SYNRG: variants seen among roughly 807,000 people sequenced by gnomAD.
SYNRG encodes the protein synergin gamma, also known as AP1 gamma subunit binding protein 1.
SYNRG carries 37 observed loss-of-function variants against 130.9 expected under a neutral mutation model. The observed-to-expected ratio is 0.28, with a 90% CI of 0.22 to 0.37. The LOEUF (loss-of-function observed/expected upper bound fraction) is 0.37, where lower values mean the gene tolerates loss of function less well. SYNRG is among the 10% of genes least tolerant of loss of function. The pLI is 1.00. For synonymous variants in SYNRG, 539 were observed against 568.1 expected (o/e 0.95, Z 0.73); for missense variants, 1,338 against 1,588.9 (o/e 0.84, Z 2.68).
intron 3 of SYNRG, 149 bp downstream of exon 3, chr17:37,596,074 G>A (rs960883315): frequency 3.4e-5 from 30 of 892,858 alleles, no homozygotes; most frequent in Non-Finnish European, 4.5e-5. Context: ...ACTCTTGGAG[G>A]GTGAACACAT....
chr17:37,609,327 C>G lies in SYNRG; in HGVS notation c.29G>C (p.Gly10Ala). Residue 10 changes from glycine to alanine, a missense_variant, in exon 1 of 22, where the codon GGT becomes GCT. Physicochemically the swap from Gly to Ala is moderately conservative, Grantham distance 60 (BLOSUM62 0). Transcript: ENST00000612223. MALRPGAGS[G>A]GGGAAGAGAG... is the part of the protein sequence containing the mutation. ...GCCAGCTCCCGCGGCCCCGCCGCCA[C>G]CAGAACCAGCTCCTGGCCGCAGCGC... 6.8e-7 allele frequency: 1 copy of G among 1,469,914 alleles called. No homozygotes were observed. The highest frequency in any genetic ancestry group is 1.5e-5 in the African/African-American group (1 of 68,400). The allele number at this position is 1,469,914 out of a possible 1,614,324, so 91.1% of individuals were successfully genotyped here.
At chr17:37,567,647 GA>G (rs1237710607) in intron 11 of SYNRG, 1 of 152,100 alleles carries the variant, frequency 6.6e-6, no homozygotes, top group African/African-American at 2.4e-5. Flanking sequence ...AAAATCAGGA[GA>G]ATAATCTCTT....
At chr17:37,566,357 AC>A in intron 11 of SYNRG, among the ~76,000 whole-genome samples, 1 of 146,666 alleles carries the variant, frequency 6.8e-6, no homozygotes, top group African/African-American at 2.5e-5. Context: ...GCTCTCTGAA[AC>A]ATGTGCTGTG....
At chr17:37,551,289 A>C (rs2058689522) in intron 14 of SYNRG, among the ~76,000 whole-genome samples, 1 of 152,210 alleles carries the variant, frequency 6.6e-6, no homozygotes, top group African/African-American at 2.4e-5. Context: ...GCAATTTTGC[A>C]CAACAGCAAT....
intron 19 of SYNRG, among the ~76,000 whole-genome samples, chr17:37,528,690 C>T (rs2056254596): frequency 6.6e-6 from 1 of 152,206 alleles, no homozygotes; most frequent in African/African-American, 2.4e-5. Flanking sequence ...ATTTGAACTA[C>T]ATAGATGTTG....
intron 1 of SYNRG, chr17:37,605,944 C>T (rs1239333219): frequency 1.0e-6 from 1 of 985,392 alleles, no homozygotes; most frequent in Non-Finnish European, 1.2e-6. Flanking sequence ...CACCTCCAGA[C>T]TCTGGTTTCT....
At chr17:37,536,323 C>A in intron 18 of SYNRG, 196 bp from the exon 19 acceptor site, 1 of 663,414 alleles carries the variant, frequency 1.5e-6, no homozygotes, top group South Asian at 2.5e-5. Context: ...AGAAGCTGCA[C>A]TGCTTGGGTT....
At chr17:37,608,951 G>A (rs1052253812) in intron 1 of SYNRG, among the ~76,000 whole-genome samples, 1 of 152,050 alleles carries the variant, frequency 6.6e-6, no homozygotes, top group Non-Finnish European at 1.5e-5. Context: ...AGGCAGCTAG[G>A]ACTAGGAGCG....
Position 37,520,176 on chromosome 17 carries a change from T to C in SYNRG, c.3813+3A>G. ...GCTAAGATAAGGTGTAACTGGTTCATACTTTTTTAGGATGTTCTTCTGCAG... is the reference window on the plus strand; with the variant it reads ...GCTAAGATAAGGTGTAACTGGTTCACACTTTTTTAGGATGTTCTTCTGCAG... On this transcript the variant is annotated splice_donor_region_variant and intron_variant, in intron 21 of 21. Transcript: ENST00000612223. 2.5e-6 allele frequency: 4 copies of C among 1,614,204 alleles called. No homozygotes were observed. The South Asian group carries it at 3.3e-5, about 13-fold the overall frequency.
chr17:37,567,990 G>C (rs546847391), intron 11 of SYNRG: 1 of 152,172 alleles, frequency 6.6e-6, no homozygotes, highest in Non-Finnish European at 1.5e-5. Context: ...ACTCACTTGA[G>C]GTCAGGAGTT....
At chr17:37,565,377 G>A (rs1055183187) in intron 11 of SYNRG, among the ~76,000 whole-genome samples, 1 of 152,210 alleles carries the variant, frequency 6.6e-6, no homozygotes, top group Non-Finnish European at 1.5e-5. Context: ...GTGCAGTGGC[G>A]TGATCTCGGC....
At chr17:37,590,830 G>A (rs1008134712) in intron 3 of SYNRG, among the ~76,000 whole-genome samples, 15 of 152,078 alleles carry the variant, frequency 9.9e-5, no homozygotes, top group Non-Finnish European at 1.8e-4. Flanking sequence ...TGAGGCAGGA[G>A]AATTGCTTGA....
At chr17:37,524,757 G>C (rs1409956234) in intron 19 of SYNRG, among the ~76,000 whole-genome samples, 1 of 152,176 alleles carries the variant, frequency 6.6e-6, no homozygotes, top group Non-Finnish European at 1.5e-5. Context: ...ACATGCTCTG[G>C]AAGTGAAAAG....
rs536837007 is a variant in SYNRG at position 37,544,567 on chromosome 17, G to A, written c.2609-2002C>T. ...TGACTTCAGGTGATCCGCCCGTCTC[G>A]GCCTCCCAAAGTGCTGGAATTACAG... On this transcript the variant is annotated intron_variant, in intron 14 of 21. Coordinates refer to ENST00000612223, the MANE Select transcript of SYNRG (RefSeq NM_007247.6). Among the ~76,000 whole-genome samples, 77 of 152,170 alleles carry A rather than the reference G, an allele frequency of 5.1e-4. 1 individual carries two copies. The South Asian group carries it at 0.014, about 28-fold the overall frequency.
intron 11 of SYNRG, 87 bp from the exon 12 acceptor site, chr17:37,561,676 T>C: frequency 8.3e-6 from 8 of 962,636 alleles, no homozygotes; most frequent in Non-Finnish European, 1.3e-5. Context: ...GGCAAACAGG[T>C]ATTTCATTAA....
chr17:37,597,114 C>T (rs1235860905), intron 2 of SYNRG, among the ~76,000 whole-genome samples: 1 of 152,200 alleles, frequency 6.6e-6, no homozygotes, highest in Non-Finnish European at 1.5e-5. Context: ...GAGCAAGCCA[C>T]TGCCACGTCA....
At chr17:37,547,638 T>C (rs1038011700) in intron 14 of SYNRG, among the ~76,000 whole-genome samples, 21 of 152,106 alleles carry the variant, frequency 1.4e-4, no homozygotes, top group Non-Finnish European at 2.6e-4. Context: ...AATTTTTGTA[T>C]TTTTAGTAGA....
rs1040646641 is a variant in SYNRG at position 37,517,214 on chromosome 17, CA to C, written c.*1725del. The C allele has an allele frequency of 1.7e-4, 26 of 150,546 alleles. No homozygotes were observed. Among genetic ancestry groups the C allele is most frequent in the Non-Finnish European group, 3.7e-4 (25 of 68,002 alleles). The allele number at this position is 150,546 out of a possible 1,614,324, so 9.3% of individuals were successfully genotyped here. On this transcript the variant is annotated 3_prime_UTR_variant, in exon 22 of 22. Transcript: ENST00000612223. ...GGGCAACAAGAGTGAAACTCCATCT[CA>C]AAAAAAAACAAAGAATTTTTAAGGC... is the stretch of plus-strand genomic sequence containing the variant.
chr17:37,536,191 G>A (rs1176037178), intron 18 of SYNRG, 64 bp from the exon 19 acceptor site: 2 of 1,510,524 alleles, frequency 1.3e-6, no homozygotes, highest in Admixed American at 2.4e-5. Flanking sequence ...CCAGACAGGG[G>A]AGCATTATTG....
Sources: allele counts gnomAD v4.1 joint callset (sites outside exome capture counted in the v4.1 genomes callset), GRCh38; gene constraint gnomAD v4.1.1; transcripts MANE v1.5; gene names NCBI Gene and HGNC (gene_info 2026-07-23, HGNC 2026-07-21).